Variants in DEUP1 observed in about 807,000 individuals in gnomAD.
The protein encoded by DEUP1 is coiled-coil domain containing 67.
In DEUP1, 82 loss-of-function variants were observed where a neutral mutation model predicts 87.4. The observed-to-expected ratio is 0.94, with a 90% CI of 0.78 to 1.13. The LOEUF (loss-of-function observed/expected upper bound fraction) is 1.13. Among genes scored for constraint, DEUP1 ranks in the 50% most tolerant of loss-of-function variants. The probability of loss-of-function intolerance (pLI) is 0.00; values close to 1 mark genes in which losing one functional copy is unlikely to be tolerated. For missense variants in DEUP1, 663 were observed against 681.5 expected (o/e 0.97, Z 0.30); for synonymous variants, 214 against 222.7 (o/e 0.96, Z 0.35).
In DEUP1 at chr11:93,339,282, G is replaced by A. The variant is rs185107339; in HGVS notation, c.29+6994G>A. Among the ~76,000 whole-genome samples the A allele has an allele frequency of 2.4e-4, 36 of 152,316 alleles. 1 individual carries two copies. In the South Asian group the frequency reaches 2.7e-3, roughly 11 times the overall value. ...AATCCACTGGCCAACCCATAGTGCC[G>A]TGGAGTAACTATACCTATAATCTGT... On this transcript the variant is annotated intron_variant, in intron 2 of 13. Coordinates refer to ENST00000298050, the MANE Select transcript of DEUP1 (RefSeq NM_181645.4).
At chr11:93,394,723 A>T (rs892962711) in intron 10 of DEUP1, 67 bp downstream of exon 10, 8 of 1,002,766 alleles carry the variant, frequency 8.0e-6, no homozygotes, top group Non-Finnish European at 1.2e-5. Flanking sequence ...AGTAGCCTTC[A>T]TTATTGACTA....
At chr11:93,342,632 C>A (rs1944138449) in intron 2 of DEUP1, among the ~76,000 whole-genome samples, 1 of 152,160 alleles carries the variant, frequency 6.6e-6, no homozygotes, top group Non-Finnish European at 1.5e-5. Flanking sequence ...AGTTTCAAGG[C>A]AGACTGGGAA....
intron 7 of DEUP1, among the ~76,000 whole-genome samples, chr11:93,375,030 T>C (rs1945965417): frequency 7.2e-6 from 1 of 138,466 alleles, no homozygotes; most frequent in African/African-American, 2.7e-5. Flanking sequence ...TTTCTTTTTC[T>C]TTTCTTTTTT....
chr11:93,405,128 C>T (rs896972995), intron 11 of DEUP1, among the ~76,000 whole-genome samples: 2 of 151,674 alleles, frequency 1.3e-5, no homozygotes, highest in East Asian at 1.9e-4. Flanking sequence ...ACTAAGCAGC[C>T]GACCATCAAG....
chr11:93,344,890 G>A (rs1944263781), intron 2 of DEUP1, among the ~76,000 whole-genome samples: 1 of 150,198 alleles, frequency 6.7e-6, no homozygotes, highest in Non-Finnish European at 1.5e-5. Flanking sequence ...AAAGGTGCAT[G>A]TTGAGGTTTG....
intron 1 of DEUP1, among the ~76,000 whole-genome samples, chr11:93,331,666 G>A (rs967476972): frequency 6.6e-6 from 1 of 152,274 alleles, no homozygotes; most frequent in Non-Finnish European, 1.5e-5. Flanking sequence ...GTACTGAGCC[G>A]TTTGCGAACA....
chr11:93,398,861 C>T (rs1044772438), intron 11 of DEUP1, among the ~76,000 whole-genome samples: 1 of 151,916 alleles, frequency 6.6e-6, no homozygotes, highest in Non-Finnish European at 1.5e-5. Context: ...GCTGGGATTA[C>T]AGGCACATGC....
intron 2 of DEUP1, among the ~76,000 whole-genome samples, chr11:93,333,372 A>C (rs982108907): frequency 4.6e-5 from 7 of 152,192 alleles, no homozygotes; most frequent in Non-Finnish European, 8.8e-5. Flanking sequence ...AGCTCCCACC[A>C]TCATAAGTGT....
chr11:93,352,211 C>T, intron 2 of DEUP1: 2 of 579,982 alleles, frequency 3.4e-6, no homozygotes, highest in African/African-American at 1.8e-5. Flanking sequence ...CTCCTCCCAG[C>T]CACACAAATA....
rs1266901014 is a variant in DEUP1 at position 93,408,394 on chromosome 11, A to G, written c.1490A>G (p.Gln497Arg). 1 of 1,563,974 alleles carries G rather than the reference A, an allele frequency of 6.4e-7. No homozygotes were observed. ...GAAGAAACAGGAAGATATGCCTATC[A>G]AAGCCAAATAAAAGTGGAACAAAAT... ...TYEETGRYAY[Q>R]SQIKVEQNEE... is the part of the protein sequence containing the mutation. The change falls in exon 12 of 14, where the codon CAA becomes CGA. Residue 497 changes from glutamine (Q) to arginine (R), a missense_variant. Gln to Arg is a conservative substitution (Grantham distance 43). Coordinates refer to ENST00000298050, the MANE Select transcript of DEUP1 (RefSeq NM_181645.4).
intron 3 of DEUP1, among the ~76,000 whole-genome samples, chr11:93,356,618 T>C (rs756846436): frequency 6.6e-6 from 1 of 152,148 alleles, no homozygotes; most frequent in Non-Finnish European, 1.5e-5. Context: ...AGCTGAATTA[T>C]ATTGGTAGAG....
chr11:93,367,350 A>C (rs1371310556), intron 5 of DEUP1, among the ~76,000 whole-genome samples: 1 of 152,216 alleles, frequency 6.6e-6, no homozygotes, highest in East Asian at 1.9e-4. Flanking sequence ...TTTTAACAAA[A>C]TAAAGCTTTC....
chr11:93,378,437 C>T (rs548154962), intron 7 of DEUP1, among the ~76,000 whole-genome samples: 1 of 152,024 alleles, frequency 6.6e-6, no homozygotes, highest in East Asian at 1.9e-4. Flanking sequence ...CTAAGTGTGT[C>T]CTTCATTTCC....
intron 2 of DEUP1, among the ~76,000 whole-genome samples, chr11:93,351,120 G>A (rs1237064760): frequency 1.3e-5 from 2 of 151,078 alleles, no homozygotes; most frequent in Admixed American, 6.6e-5. Context: ...TAGAGGGAAT[G>A]CAAACACTGG....
chr11:93,339,813 C>T (rs970910116), intron 2 of DEUP1, among the ~76,000 whole-genome samples: 1 of 152,180 alleles, frequency 6.6e-6, no homozygotes, highest in African/African-American at 2.4e-5. Flanking sequence ...TACTAGGGGC[C>T]TGAACTGTCA....
intron 12 of DEUP1, among the ~76,000 whole-genome samples, chr11:93,413,476 T>C (rs1947509840): frequency 6.6e-6 from 1 of 152,174 alleles, no homozygotes; most frequent in Admixed American, 6.5e-5. Flanking sequence ...TCTCCTGACC[T>C]CGTGATCTGC....
chr11:93,407,920 C>G (rs1481947455), intron 11 of DEUP1, among the ~76,000 whole-genome samples: 1 of 151,686 alleles, frequency 6.6e-6, no homozygotes, highest in African/African-American at 2.4e-5. Flanking sequence ...ATACAGAGAG[C>G]AACAATGCAT....
At chr11:93,415,259 A>G (rs12288686) in intron 13 of DEUP1, 145 bp downstream of exon 13, 132,331 of 450,134 alleles carry the variant, frequency 0.29, 20,255 homozygotes, top group Middle Eastern at 0.4. Context: ...TCTGCGAGCC[A>G]TTTGGCCATA....
intron 13 of DEUP1, among the ~76,000 whole-genome samples, chr11:93,418,857 A>C (rs1947752732): frequency 6.6e-6 from 1 of 152,212 alleles, no homozygotes; most frequent in Non-Finnish European, 1.5e-5. Flanking sequence ...CAGCCATAAA[A>C]AATGATGAGT....
Sources: allele counts gnomAD v4.1 joint callset (sites outside exome capture counted in the v4.1 genomes callset), GRCh38; gene constraint gnomAD v4.1.1; transcripts MANE v1.5; gene names NCBI Gene and HGNC (gene_info 2026-07-23, HGNC 2026-07-21).